Variants in MCUB observed in about 807,000 individuals in gnomAD.
MCUB encodes calcium uniporter regulatory subunit MCUb, mitochondrial.
Under a neutral mutation model 41.4 loss-of-function variants are expected in MCUB, and 46 were observed. That is an observed-to-expected ratio of 1.11 (90% CI 0.88 to 1.42). MCUB has a LOEUF of 1.42. Ranked by LOEUF, MCUB falls within the 40% of genes most tolerant of loss-of-function variation. MCUB has a pLI of 0.00. For synonymous variants in MCUB, 148 were observed against 148.2 expected, an observed-to-expected ratio of 1.00 and a Z score of 0.01; for missense variants, 403 against 404.9, an observed-to-expected ratio of 1.00 and a Z score of 0.04.
At chr4:109,596,912 A>G (rs1305221590) in intron 1 of MCUB, among the ~76,000 whole-genome samples, 4 of 151,568 alleles carry the variant, frequency 2.6e-5, no homozygotes, top group Non-Finnish European at 4.4e-5. Flanking sequence ...TGGGTACTTG[A>G]GATTAGGGAG....
At position 109,684,656 on chromosome 4, in the gene MCUB, T is replaced by G. The variant is rs1446126075; in HGVS notation, c.816+10T>G. ...TATAGTCACTCGACAGGTGAGTAGT[T>G]TGTTAGGAAAATGGTAAGTTAGAAC... On this transcript the variant is annotated intron_variant, in intron 6 of 7. Transcript: ENST00000394650. The G allele has an allele frequency of 7.7e-7, 1 of 1,295,088 alleles. No individual in the cohort carries two copies. The highest frequency in any genetic ancestry group is 1.1e-6 in the Non-Finnish European group (1 of 898,554). 80.2% of individuals were successfully genotyped at this position (1,295,088 alleles called of 1,614,324 possible). A position where few individuals can be genotyped will look rare whatever the true frequency, so the allele number is the denominator to read the frequency against.
At chr4:109,652,858 G>A (rs959384489) in intron 1 of MCUB, among the ~76,000 whole-genome samples, 3 of 152,112 alleles carry the variant, frequency 2.0e-5, no homozygotes, top group Non-Finnish European at 4.4e-5. Context: ...TTTATTTAAC[G>A]TGTATTTACT....
intron 1 of MCUB, among the ~76,000 whole-genome samples, chr4:109,576,463 C>G (rs185313207): frequency 6.7e-6 from 1 of 149,724 alleles, no homozygotes; most frequent in Admixed American, 6.7e-5. Context: ...AAGTGGTCAG[C>G]CTCACTGATA....
intron 4 of MCUB, among the ~76,000 whole-genome samples, chr4:109,680,734 C>A (rs1729696457): frequency 1.3e-5 from 2 of 152,198 alleles, no homozygotes; most frequent in African/African-American, 4.8e-5. Context: ...GGACTACTGA[C>A]ACAAACTGGA....
At chr4:109,644,162 G>GTA (rs1728782417) in intron 1 of MCUB, among the ~76,000 whole-genome samples, 1 of 152,146 alleles carries the variant, frequency 6.6e-6, no homozygotes. Flanking sequence ...GTGTATGTTA[G>GTA]TATAGTATGT....
At chr4:109,586,068 C>A (rs1395771941) in intron 1 of MCUB, among the ~76,000 whole-genome samples, 5 of 152,164 alleles carry the variant, frequency 3.3e-5, no homozygotes, top group Non-Finnish European at 7.3e-5. Flanking sequence ...TTCCATTCTC[C>A]CTGTCACTTT....
At chr4:109,660,168 A>ATTTTTTT in intron 2 of MCUB, 27 bp from the exon 3 acceptor site, 1 of 1,126,340 alleles carries the variant, frequency 8.9e-7, no homozygotes, top group Non-Finnish European at 1.3e-6. Flanking sequence ...AAATTTACTC[A>ATTTTTTT]TTTTTTTTTC....
intron 4 of MCUB, among the ~76,000 whole-genome samples, chr4:109,671,576 GTTCT>G (rs1729460540): frequency 6.6e-6 from 1 of 152,022 alleles, no homozygotes; most frequent in African/African-American, 2.4e-5. Context: ...ATTCCTTTTG[GTTCT>G]TTCTAAGTTT....
At chr4:109,666,625 T>C (rs1456854882) in intron 4 of MCUB, among the ~76,000 whole-genome samples, 1 of 152,204 alleles carries the variant, frequency 6.6e-6, no homozygotes, top group East Asian at 1.9e-4. Flanking sequence ...CTTTGCCCAT[T>C]TTGTGATCAG....
chr4:109,685,340 C>A lies in MCUB; in HGVS notation c.906C>A (p.Tyr302Ter), dbSNP rs1729815473. ...AACAGCACTTTGATGTGCAGCAATA[C>A]AACAAGTTAAAAGAAGACCTTGCTA... is the stretch of plus-strand genomic sequence containing the variant. ...SKQQHFDVQQ[Y>*]NKLKEDLAKA... Residue 302 changes from tyrosine (Y) to a stop codon, truncating the protein, a stop_gained, in exon 7 of 8, where the codon TAC becomes TAA. Coordinates refer to ENST00000394650, the MANE Select transcript of MCUB (RefSeq NM_017918.5). LOFTEE classifies it low-confidence loss of function (END_TRUNC). The A allele has an allele frequency of 6.4e-7, 1 of 1,563,916 alleles. No homozygotes were observed. Among genetic ancestry groups the A allele is most frequent in the Non-Finnish European group, 8.8e-7 (1 of 1,135,006 alleles).
chr4:109,681,542 G>A (rs564145478), intron 4 of MCUB: 78 of 423,996 alleles, frequency 1.8e-4, no homozygotes, highest in South Asian at 1.2e-3. Context: ...TTGGCCTCAC[G>A]GATTCTAAGG....
At chr4:109,636,271 T>C (rs1728587234) in intron 1 of MCUB, among the ~76,000 whole-genome samples, 1 of 152,140 alleles carries the variant, frequency 6.6e-6, no homozygotes, top group Admixed American at 6.5e-5. Context: ...CCTAAAAGGT[T>C]TCAGTCACAT....
intron 1 of MCUB, chr4:109,648,588 G>A (rs1380405976): frequency 2.3e-6 from 1 of 436,258 alleles, no homozygotes; most frequent in East Asian, 7.0e-5. Context: ...GAAATATTAA[G>A]ATAACTTTCT....
At chr4:109,684,313 C>T (rs550631495) in intron 5 of MCUB, 130 bp from the exon 6 acceptor site, 18 of 611,872 alleles carry the variant, frequency 2.9e-5, no homozygotes, top group Non-Finnish European at 4.2e-5. Context: ...CCGCCCACCT[C>T]GGCCTCCCAG....
chr4:109,631,259 AT>A (rs1728468988), intron 1 of MCUB, among the ~76,000 whole-genome samples: 1 of 152,140 alleles, frequency 6.6e-6, no homozygotes, highest in Admixed American at 6.5e-5. Context: ...CGGGCACTTG[AT>A]TTGTGGCTTC....
At chr4:109,572,960 T>G (rs1464196877) in intron 1 of MCUB, among the ~76,000 whole-genome samples, 1 of 152,158 alleles carries the variant, frequency 6.6e-6, no homozygotes, top group Non-Finnish European at 1.5e-5. Context: ...TGTACATATA[T>G]GTAGTATTGG....
intron 1 of MCUB, among the ~76,000 whole-genome samples, chr4:109,571,273 C>T (rs1348771389): frequency 6.6e-6 from 1 of 151,882 alleles, no homozygotes; most frequent in Admixed American, 6.6e-5. Flanking sequence ...GTAAGCTGTG[C>T]TGCTGAAACA....
chr4:109,606,295 A>C (rs1037975182), intron 1 of MCUB, among the ~76,000 whole-genome samples: 1 of 151,764 alleles, frequency 6.6e-6, no homozygotes, highest in African/African-American at 2.4e-5. Context: ...GTTTTGTTTA[A>C]ATCCATTTAG....
In MCUB at chr4:109,612,181, G is replaced by A. The variant is rs115918988; in HGVS notation, c.100-46830G>A. Reference sequence around the variant, plus strand: ...TTTCCTATTGAGGGCTCTCTTCCTGGCTTGCAGATGGCCACCTTCTTGTTG... The same window carrying A: ...TTTCCTATTGAGGGCTCTCTTCCTGACTTGCAGATGGCCACCTTCTTGTTG... On this transcript the variant is annotated intron_variant, in intron 1 of 7. Transcript: ENST00000394650. Among the ~76,000 whole-genome samples, 1,367 of 152,020 alleles carry A rather than the reference G, an allele frequency of 9.0e-3. 22 individuals are homozygous for A. The highest frequency in any genetic ancestry group is 0.03 in the African/African-American group (1,264 of 41,456).
Sources: allele counts gnomAD v4.1 joint callset (sites outside exome capture counted in the v4.1 genomes callset), GRCh38; gene constraint gnomAD v4.1.1; transcripts MANE v1.5; gene names NCBI Gene and HGNC (gene_info 2026-07-23, HGNC 2026-07-21).